The following LRP2 variants were observed in gnomAD, a reference collection of about 807,000 sequenced individuals.
LRP2 encodes the protein low-density lipoprotein receptor-related protein 2.
LRP2 carries 172 observed loss-of-function variants against 531.0 expected under a neutral mutation model. That is an observed-to-expected ratio of 0.32 (90% CI 0.29 to 0.37). The LOEUF (loss-of-function observed/expected upper bound fraction) is 0.37, where lower values mean the gene tolerates loss of function less well. LRP2 is among the 10% of genes least tolerant of loss of function. The pLI is 1.00. For synonymous variants in LRP2, 1,992 were observed against 2,027.6 expected, an observed-to-expected ratio of 0.98 and a Z score of 0.47; for missense variants, 5,167 against 5,868.3, an observed-to-expected ratio of 0.88 and a Z score of 3.90.
At chr2:169,152,688 G>C (rs1686187512) in intron 67 of LRP2, 111 bp downstream of exon 67, 3 of 1,232,390 alleles carry the variant, frequency 2.4e-6, no homozygotes, top group African/African-American at 3.0e-5. Context: ...TGCACCCATG[G>C]CTGAGTGTAC....
At chr2:169,271,660 C>G (rs1683421041) in intron 15 of LRP2, 3 of 828,150 alleles carry the variant, frequency 3.6e-6, no homozygotes, top group Non-Finnish European at 4.3e-6. Flanking sequence ...CACACAGAAA[C>G]CTTTCTCACC....
chr2:169,259,303 G>A, intron 16 of LRP2, 86 bp from the exon 17 acceptor site: 1 of 756,284 alleles, frequency 1.3e-6, no homozygotes, highest in South Asian at 1.4e-5. Context: ...GAAATTTTGT[G>A]TCAGAGTTAG....
intron 74 of LRP2, 134 bp from the exon 75 acceptor site, chr2:169,138,840 C>T (rs765268027): frequency 6.9e-6 from 7 of 1,020,886 alleles, no homozygotes; most frequent in Middle Eastern, 4.2e-4. Context: ...TCAATTCCCA[C>T]TCTAAATTTA....
intron 75 of LRP2, 37 bp from the exon 76 acceptor site, chr2:169,137,530 AG>A: frequency 7.8e-7 from 1 of 1,277,590 alleles, no homozygotes; most frequent in Non-Finnish European, 1.1e-6. Flanking sequence ...AGAGAGAGAG[AG>A]AGAAACAGAG....
intron 16 of LRP2, among the ~76,000 whole-genome samples, chr2:169,261,817 T>C (rs868539180): frequency 6.6e-6 from 1 of 152,202 alleles, no homozygotes; most frequent in Middle Eastern, 3.4e-3. Flanking sequence ...ACCAATATCC[T>C]TGATGAACAT....
At chr2:169,338,351 A>C (rs942311913) in intron 1 of LRP2, among the ~76,000 whole-genome samples, 4 of 126,382 alleles carry the variant, frequency 3.2e-5, no homozygotes, top group Non-Finnish European at 3.3e-5. Flanking sequence ...AAAGAAGGAA[A>C]GAAAGAAGGA....
intron 16 of LRP2, among the ~76,000 whole-genome samples, chr2:169,268,649 C>G (rs1489906059): frequency 6.6e-6 from 1 of 152,188 alleles, no homozygotes; most frequent in Non-Finnish European, 1.5e-5. Context: ...CAATATCATA[C>G]TGAATGGACA....
chr2:169,300,090 G>A (rs1216366335), intron 4 of LRP2, among the ~76,000 whole-genome samples: 1 of 152,100 alleles, frequency 6.6e-6, no homozygotes, highest in Non-Finnish European at 1.5e-5. Flanking sequence ...TACAAGTGAA[G>A]TAGCAATTCC....
chr2:169,238,199 A>C lies in LRP2; in HGVS notation c.4398T>G (p.Ser1466=), dbSNP rs1157087473. 6.2e-7 allele frequency: 1 copy of C among 1,614,188 alleles called. No homozygotes were observed. The highest frequency in any genetic ancestry group is 8.5e-7 in the Non-Finnish European group (1 of 1,179,974). Residue 1466 remains serine, a synonymous_variant, in exon 27 of 79, where the codon TCT becomes TCG. Coordinates refer to ENST00000649046, the MANE Select transcript of LRP2 (RefSeq NM_004525.3). ...HNIYSLVENG[S]YIVAVDFDSI... ...AATCAAAATCAACAGCTACAATGTA[A>C]GAACCATTCTCGACCAATGAATAGA...
chr2:169,207,291 C>G, intron 38 of LRP2, 41 bp from the exon 39 acceptor site: 1 of 1,427,808 alleles, frequency 7.0e-7, no homozygotes, highest in Non-Finnish European at 9.8e-7. Flanking sequence ...AATGGAGAAC[C>G]AAGAAGAAAA....
intron 21 of LRP2, among the ~76,000 whole-genome samples, chr2:169,245,205 T>C (rs1016817279): frequency 3.3e-5 from 5 of 152,204 alleles, no homozygotes; most frequent in African/African-American, 9.6e-5. Flanking sequence ...AAAGTACATA[T>C]AATTGTCTGC....
chr2:169,255,984 A>T (rs111272851), intron 19 of LRP2, 122 bp downstream of exon 19: 25 of 1,004,164 alleles, frequency 2.5e-5, no homozygotes, highest in African/African-American at 6.5e-5. Flanking sequence ...ACCATTTTAA[A>T]TTTTTTCATT....
intron 33 of LRP2, among the ~76,000 whole-genome samples, chr2:169,224,681 C>T (rs1325319244): frequency 6.6e-6 from 1 of 152,188 alleles, no homozygotes. Context: ...CCTTATGCAA[C>T]TTTTATTTAT....
At chr2:169,205,967 C>T in intron 40 of LRP2, 56 bp downstream of exon 40, 2 of 1,602,360 alleles carry the variant, frequency 1.2e-6, no homozygotes, top group Non-Finnish European at 1.7e-6. Flanking sequence ...AATTTCAGGC[C>T]CCATTTTTTC....
intron 6 of LRP2, 79 bp downstream of exon 6, chr2:169,294,069 G>C: frequency 1.1e-6 from 1 of 939,894 alleles, no homozygotes; most frequent in Admixed American, 1.7e-5. Flanking sequence ...GTGGGGGAGC[G>C]GGGGGATAAA....
rs1297922361 is a variant in LRP2, at chr2:169,273,492, A to G, written c.1976-425T>C. Among the ~76,000 whole-genome samples, 4 of 152,182 alleles carry G rather than the reference A, an allele frequency of 2.6e-5. No individual in the cohort carries two copies. In the East Asian group the frequency reaches 7.7e-4, roughly 29 times the overall value. ...ACTTAACCAATAGCTCTAAGAGGTA[A>G]GTATTAGTCCTCCAATTTTACAGAG... On this transcript the variant is annotated intron_variant, in intron 14 of 78. Coordinates refer to ENST00000649046, the MANE Select transcript of LRP2 (RefSeq NM_004525.3).
intron 40 of LRP2, 136 bp from the exon 41 acceptor site, chr2:169,205,773 C>G: frequency 1.0e-6 from 1 of 991,528 alleles, no homozygotes; most frequent in Non-Finnish European, 1.5e-6. Flanking sequence ...ACTTACACAA[C>G]TTGTCCAAAG....
chr2:169,353,568 A>C (rs1259763103), intron 1 of LRP2, among the ~76,000 whole-genome samples: 1 of 152,204 alleles, frequency 6.6e-6, no homozygotes, highest in Non-Finnish European at 1.5e-5. Context: ...ATCAAAATTA[A>C]ACCAGTGTGG....
intron 48 of LRP2, 138 bp downstream of exon 48, chr2:169,191,694 G>T: frequency 4.5e-6 from 3 of 664,968 alleles, no homozygotes; most frequent in Admixed American, 2.4e-5. Context: ...ATTTGGAAAG[G>T]AATCCAAACA....
Sources: allele counts gnomAD v4.1 joint callset (sites outside exome capture counted in the v4.1 genomes callset), GRCh38; gene constraint gnomAD v4.1.1; transcripts MANE v1.5; gene names NCBI Gene and HGNC (gene_info 2026-07-23, HGNC 2026-07-21).